The following CPXM2 variants were observed in gnomAD, a reference collection of about 807,000 sequenced individuals.
CPXM2 encodes the protein carboxypeptidase X, M14 family member 2.
Under a neutral mutation model 86.1 loss-of-function variants are expected in CPXM2, and 66 were observed. That is an observed-to-expected ratio of 0.77 (90% CI 0.63 to 0.94). The LOEUF (loss-of-function observed/expected upper bound fraction) is 0.94. Ranked by LOEUF, CPXM2 falls within the 40% of genes least tolerant of loss-of-function variation. The pLI, the probability that CPXM2 is intolerant of heterozygous loss-of-function variation, is 0.00. For missense variants in CPXM2, 948 were observed against 1,026.3 expected (o/e 0.92, Z 1.04); for synonymous variants, 388 against 400.2 (o/e 0.97, Z 0.36).
chr10:123,880,581 G>A (rs1482112740), intron 1 of CPXM2, among the ~76,000 whole-genome samples: 1 of 152,096 alleles, frequency 6.6e-6, no homozygotes, highest in African/African-American at 2.4e-5. Context: ...TGTAATCCCA[G>A]CACTTTGGGA....
intron 7 of CPXM2, among the ~76,000 whole-genome samples, chr10:123,771,884 C>T (rs1161756586): frequency 6.6e-6 from 1 of 152,182 alleles, no homozygotes; most frequent in Non-Finnish European, 1.5e-5. Context: ...GAAGAGGTGC[C>T]TTCCGCCATT....
rs992956458 is a variant in CPXM2 at position 123,865,951 on chromosome 10, T to C, written c.404-3228A>G. Among the ~76,000 whole-genome samples the C allele has an allele frequency of 2.0e-5, 3 of 152,110 alleles. No homozygotes were observed. The highest frequency in any genetic ancestry group is 7.2e-5 in the African/African-American group (3 of 41,414). ...GGACTCCTCAGCCTCTTCTCCGTTTTTCTGTACTGGGCCCCACAATTTCTC... is the reference window on the plus strand; with the variant it reads ...GGACTCCTCAGCCTCTTCTCCGTTTCTCTGTACTGGGCCCCACAATTTCTC... On this transcript the variant is annotated intron_variant, in intron 2 of 13. Transcript: ENST00000241305. The surrounding 1 kb of genome is among the most constrained non-coding windows in gnomAD (Gnocchi z 4.7).
At chr10:123,797,925 G>A in intron 6 of CPXM2, 51 bp downstream of exon 6, 1 of 1,480,256 alleles carries the variant, frequency 6.8e-7, no homozygotes. Flanking sequence ...CTGGGCATCT[G>A]TTTTCCATCA....
At chr10:123,878,448 T>A (rs937600459) in intron 2 of CPXM2, among the ~76,000 whole-genome samples, 9 of 150,674 alleles carry the variant, frequency 6.0e-5, no homozygotes, top group Non-Finnish European at 8.8e-5. Flanking sequence ...ATGGGAGCAA[T>A]CCTGGGTGGG....
intron 2 of CPXM2, among the ~76,000 whole-genome samples, chr10:123,866,127 A>G (rs771681400): frequency 6.6e-6 from 1 of 152,122 alleles, no homozygotes; most frequent in Non-Finnish European, 1.5e-5. Context: ...TCCTGGCTGC[A>G]GCACGGGCTC....
Position 123,842,459 on chromosome 10 carries a change from G to T in CPXM2, c.543C>A (p.Asp181Glu), listed in dbSNP as rs17679897. Residue 181 changes from aspartate to glutamate, a missense_variant, in exon 4 of 14, where the codon GAC becomes GAA. Asp to Glu is a conservative substitution (Grantham distance 45). Coordinates refer to ENST00000241305, the MANE Select transcript of CPXM2 (RefSeq NM_198148.3). ...CATTTCTTCCCGCGCACCACGCTCC[G>T]TCATAAAAATCATTTTCATTAATGC... The part of the protein sequence containing the change: ...QAGINENDFY[D>E]GAWCAGRNDL... 3 of 1,614,080 alleles carry T rather than the reference G, an allele frequency of 1.9e-6. No homozygotes were observed. The highest frequency in any genetic ancestry group is 1.7e-6 in the Non-Finnish European group (2 of 1,179,980).
At chr10:123,871,123 C>G (rs772392962) in intron 2 of CPXM2, among the ~76,000 whole-genome samples, 7 of 152,226 alleles carry the variant, frequency 4.6e-5, no homozygotes, top group Non-Finnish European at 4.4e-5. Flanking sequence ...AAATGTCCAG[C>G]TCAGGGGCTG....
intron 1 of CPXM2, among the ~76,000 whole-genome samples, chr10:123,881,075 C>T (rs1410208719): frequency 6.6e-6 from 1 of 151,780 alleles, no homozygotes; most frequent in Non-Finnish European, 1.5e-5. Flanking sequence ...TAGCCTGAGA[C>T]ACCTGCCTGC....
At chr10:123,875,054 A>T (rs4980229) in intron 2 of CPXM2, among the ~76,000 whole-genome samples, 94,999 of 152,020 alleles carry the variant, frequency 0.62, 30,448 homozygotes, top group Non-Finnish European at 0.68. Context: ...GTAGTGTTCA[A>T]AAACACACTC....
intron 3 of CPXM2, 135 bp downstream of exon 3, chr10:123,862,479 A>G: frequency 2.6e-6 from 2 of 765,200 alleles, no homozygotes; most frequent in Non-Finnish European, 4.4e-6. Flanking sequence ...AATTAGGATC[A>G]TTCAGCAATA....
intron 6 of CPXM2, among the ~76,000 whole-genome samples, chr10:123,796,125 A>G (rs1847330661): frequency 6.6e-6 from 1 of 152,212 alleles, no homozygotes; most frequent in South Asian, 2.1e-4. Flanking sequence ...ACCAGTCCTG[A>G]GGCAGTTCCT....
rs552872209 is a variant in CPXM2, at chr10:123,818,483, G to T, written c.654-19284C>A. 2.6e-5 allele frequency among the ~76,000 whole-genome samples: 4 copies of T among 152,320 alleles called. No individual in the cohort carries two copies. The South Asian group carries it at 8.3e-4, about 32-fold the overall frequency. On this transcript the variant is annotated intron_variant, in intron 4 of 13. Transcript: ENST00000241305. ...CCTCTTTCATCATGGAAAGGGCAGAGGTTCGTCCTCACTGGAGTACATGCT... is the reference window on the plus strand; with the variant it reads ...CCTCTTTCATCATGGAAAGGGCAGATGTTCGTCCTCACTGGAGTACATGCT...
chr10:123,844,084 C>G (rs1407118746), intron 3 of CPXM2, among the ~76,000 whole-genome samples: 2 of 151,980 alleles, frequency 1.3e-5, no homozygotes, highest in African/African-American at 4.8e-5. Flanking sequence ...GTGACAGCCA[C>G]CTCTGCAAAA....
rs776032973 is a variant in CPXM2, at chr10:123,754,599, A to C, written c.2017+64T>G. On this transcript the variant is annotated intron_variant, in intron 13 of 13. Transcript: ENST00000241305. This position sits in a 1 kb window ranked among gnomAD's most constrained non-coding sequence, Gnocchi z 4.0. ...GCAGTCATTTCATGATTGTAACCCAAGTAAAATGCCTAAAAAAATGGGTAT... is the reference window on the plus strand; with the variant it reads ...GCAGTCATTTCATGATTGTAACCCACGTAAAATGCCTAAAAAAATGGGTAT... 116 of 879,962 alleles carry C rather than the reference A, an allele frequency of 1.3e-4. No individual in the cohort carries two copies. The highest frequency in any genetic ancestry group is 2.1e-4 in the Non-Finnish European group (109 of 516,744). 54.5% of individuals were successfully genotyped at this position (879,962 alleles called of 1,614,324 possible). A position where few individuals can be genotyped will look rare whatever the true frequency, so the allele number is the denominator to read the frequency against.
chr10:123,817,939 T>C (rs578030220), intron 4 of CPXM2, among the ~76,000 whole-genome samples: 1 of 152,318 alleles, frequency 6.6e-6, no homozygotes, highest in East Asian at 1.9e-4. Flanking sequence ...ACTTTGCCTG[T>C]AAGGAGAAAT....
intron 11 of CPXM2, among the ~76,000 whole-genome samples, chr10:123,758,940 CT>C (rs1846275403): frequency 6.6e-6 from 1 of 152,194 alleles, no homozygotes; most frequent in Non-Finnish European, 1.5e-5. Context: ...TCAAGAGCAA[CT>C]CTATCAATCT....
chr10:123,754,230 C>T lies in CPXM2; in HGVS notation c.2017+433G>A, dbSNP rs183906767. Among the ~76,000 whole-genome samples, 126 of 152,340 alleles carry T rather than the reference C, an allele frequency of 8.3e-4. No homozygotes were observed. The highest frequency in any genetic ancestry group is 2.3e-3 in the African/African-American group (94 of 41,578). On this transcript the variant is annotated intron_variant, in intron 13 of 13. Transcript: ENST00000241305. This position sits in a 1 kb window ranked among gnomAD's most constrained non-coding sequence, Gnocchi z 4.0. ...GCTGCTGGTCCCTTCAAACTCTCCA[C>T]TCCTCCACAAGTCACCCAGTCTACA...
intron 2 of CPXM2, among the ~76,000 whole-genome samples, chr10:123,909,293 G>A (rs542322585): frequency 2.0e-5 from 3 of 152,280 alleles, no homozygotes; most frequent in African/African-American, 7.2e-5. Context: ...CTGCAGGGGG[G>A]ACTCGCCCTC....
At chr10:123,783,632 A>G (rs966940999) in intron 6 of CPXM2, among the ~76,000 whole-genome samples, 2 of 152,168 alleles carry the variant, frequency 1.3e-5, no homozygotes, top group African/African-American at 4.8e-5. Flanking sequence ...TGACCTCCAC[A>G]CAAAGGCCCT....
Sources: allele counts gnomAD v4.1 joint callset (sites outside exome capture counted in the v4.1 genomes callset), GRCh38; gene constraint gnomAD v4.1.1; non-coding constraint Gnocchi (gnomAD v3.1); transcripts MANE v1.5; gene names NCBI Gene and HGNC (gene_info 2026-07-23, HGNC 2026-07-21).